UROC1: variants seen among roughly 807,000 people sequenced by gnomAD.
UROC1 encodes the protein urocanate hydratase.
A neutral mutation model predicts 89.5 loss-of-function variants in UROC1; 79 were observed. The observed-to-expected ratio is 0.88, with a 90% CI of 0.74 to 1.06. The LOEUF is 1.06. Ranked by LOEUF, UROC1 falls within the 50% of genes least tolerant of loss-of-function variation. The probability of loss-of-function intolerance (pLI) is 0.00; values close to 1 mark genes in which losing one functional copy is unlikely to be tolerated. For synonymous variants in UROC1, 361 were observed against 354.8 expected (o/e 1.02, Z -0.20); for missense variants, 885 against 907.8 (o/e 0.97, Z 0.32).
chr3:126,506,425 C>T (rs28676765), intron 6 of UROC1, among the ~76,000 whole-genome samples: 5,827 of 152,142 alleles, frequency 0.038, 296 homozygotes, highest in African/African-American at 0.12. Context: ...CCACCGGAGA[C>T]GAGAGAAGTG....
intron 18 of UROC1, among the ~76,000 whole-genome samples, chr3:126,483,982 G>C (rs1935453110): frequency 6.7e-6 from 1 of 149,522 alleles, no homozygotes; most frequent in Non-Finnish European, 1.5e-5. Context: ...CTCCCAAAAT[G>C]CTGGGATTAT....
At chr3:126,494,353 G>A (rs775060140) in intron 15 of UROC1, among the ~76,000 whole-genome samples, 3 of 152,138 alleles carry the variant, frequency 2.0e-5, no homozygotes, top group Non-Finnish European at 4.4e-5. Context: ...TCTCAGCCAT[G>A]CTGGCATCCA....
At position 126,508,107 on chromosome 3, in the gene UROC1, G is replaced by A; in HGVS notation, c.412-12C>T. ...ATGGTCAGCCAGAACTGGGGGAAGA[G>A]CAGAGCGTGGGGATTCTGTCAACAG... On this transcript the variant is annotated splice_polypyrimidine_tract_variant and intron_variant, in intron 4 of 19. Coordinates refer to ENST00000290868, the MANE Select transcript of UROC1 (RefSeq NM_144639.3). 7 of 1,613,570 alleles carry A rather than the reference G, an allele frequency of 4.3e-6. No homozygotes were observed. Among genetic ancestry groups the A allele is most frequent in the Non-Finnish European group, 5.9e-6 (7 of 1,180,014 alleles).
chr3:126,516,956 T>C (rs984616309), intron 1 of UROC1, among the ~76,000 whole-genome samples: 1 of 151,950 alleles, frequency 6.6e-6, no homozygotes, highest in African/African-American at 2.4e-5. Flanking sequence ...GGAAAGTCTA[T>C]ATAACCGTGT....
chr3:126,496,044 G>T lies in UROC1; in HGVS notation c.1503C>A (p.His501Gln). 6.2e-7 allele frequency: 1 copy of T among 1,613,220 alleles called. No individual in the cohort carries two copies. Among genetic ancestry groups the T allele is most frequent in the Non-Finnish European group, 8.5e-7 (1 of 1,179,958 alleles). Residue 501 changes from histidine to glutamine, a missense_variant, in exon 15 of 20, where the codon CAC (histidine) becomes CAA (glutamine). Physicochemically the swap from His to Gln is conservative, Grantham distance 24 (BLOSUM62 0). Transcript: ENST00000290868. The part of the protein sequence containing the change: ...NIRWIREAAR[H>Q]RLVVGSQARI... ...CCCAGGCCTGGGCCCTCACCAGCCG[G>T]TGCCTGGCGGCCTCCCGGATCCAGC...
intron 2 of UROC1, 113 bp downstream of exon 2, chr3:126,510,551 A>G: frequency 6.6e-7 from 1 of 1,513,774 alleles, no homozygotes; most frequent in Admixed American, 1.9e-5. Flanking sequence ...GTCTGGACAG[A>G]CTGGGTTTCC....
chr3:126,487,835 C>G (rs1008763820), intron 18 of UROC1, among the ~76,000 whole-genome samples: 1 of 152,196 alleles, frequency 6.6e-6, no homozygotes, highest in Non-Finnish European at 1.5e-5. Context: ...AGGAGAAGAC[C>G]CTGGCCATGA....
At chr3:126,485,280 AGTT>A (rs1401623401) in intron 18 of UROC1, among the ~76,000 whole-genome samples, 1 of 152,218 alleles carries the variant, frequency 6.6e-6, no homozygotes, top group African/African-American at 2.4e-5. Context: ...CCTACAAGGC[AGTT>A]GTTATTATTA....
chr3:126,492,112 A>G (rs1287223527), intron 16 of UROC1, among the ~76,000 whole-genome samples: 1 of 149,500 alleles, frequency 6.7e-6, no homozygotes, highest in African/African-American at 2.5e-5. Context: ...CCACCCCCTC[A>G]CAGCCGCCTT....
chr3:126,500,624 T>C (rs1576721636), intron 11 of UROC1, 71 bp downstream of exon 11: 3 of 1,591,236 alleles, frequency 1.9e-6, no homozygotes, highest in South Asian at 2.2e-5. Context: ...GAGAACTAGG[T>C]GGTGGCCAGA....
chr3:126,503,829 G>A (rs1470358210), intron 9 of UROC1, among the ~76,000 whole-genome samples, 166 bp downstream of exon 9: 4 of 152,256 alleles, frequency 2.6e-5, no homozygotes, highest in Non-Finnish European at 5.9e-5. Context: ...GTGTGTGTGT[G>A]TGTGCGCATG....
At chr3:126,489,954 G>T (rs1935605318) in intron 16 of UROC1, among the ~76,000 whole-genome samples, 2 of 152,210 alleles carry the variant, frequency 1.3e-5, no homozygotes, top group Non-Finnish European at 2.9e-5. Context: ...CTGGGCTCAA[G>T]CCTCAGGCAG....
intron 13 of UROC1, among the ~76,000 whole-genome samples, 158 bp from the exon 14 acceptor site, chr3:126,498,330 C>A (rs1935832263): frequency 6.6e-6 from 1 of 152,136 alleles, no homozygotes; most frequent in Non-Finnish European, 1.5e-5. Flanking sequence ...CCTCCCTGTC[C>A]CCTCTCTGTG....
At chr3:126,500,347 T>G (rs1935889049) in intron 11 of UROC1, among the ~76,000 whole-genome samples, 193 bp from the exon 12 acceptor site, 1 of 152,084 alleles carries the variant, frequency 6.6e-6, no homozygotes, top group African/African-American at 2.4e-5. Context: ...TCTGCACCTT[T>G]CAAGGCCCAG....
Position 126,510,724 on chromosome 3 carries a change from T to C in UROC1, c.197A>G (p.Gln66Arg). ...VQELLAPEFA[Q>R]ELQLYGHIYM... ...GATGTGTCCGTACAGTTGCAGCTCC[T>C]GGGCAAACTCTGGGGCCAGCAGCTC... Residue 66 changes from glutamine (Q) to arginine (R), a missense_variant, in exon 2 of 20, where the codon CAG (glutamine) becomes CGG (arginine). Transcript: ENST00000290868. 1.2e-6 allele frequency: 2 copies of C among 1,614,206 alleles called. No individual in the cohort carries two copies. The highest frequency in any genetic ancestry group is 1.7e-6 in the Non-Finnish European group (2 of 1,180,052).
intron 1 of UROC1, among the ~76,000 whole-genome samples, chr3:126,515,182 C>T (rs1258070208): frequency 3.3e-5 from 5 of 152,038 alleles, no homozygotes; most frequent in Non-Finnish European, 7.4e-5. Context: ...ATCACAGCCA[C>T]AGGGCGCCGC....
intron 10 of UROC1, 70 bp from the exon 11 acceptor site, chr3:126,500,944 TG>T: frequency 6.3e-7 from 1 of 1,584,928 alleles, no homozygotes; most frequent in South Asian, 1.1e-5. Context: ...GCCAGCCAGG[TG>T]GGGACCCTAG....
At chr3:126,517,475 G>T in intron 1 of UROC1, 119 bp downstream of exon 1, 1 of 1,496,540 alleles carries the variant, frequency 6.7e-7, no homozygotes, top group Admixed American at 1.7e-5. Context: ...AGCCCCTGGA[G>T]TCCAGGGTGG....
At chr3:126,509,486 T>C in intron 3 of UROC1, 99 bp downstream of exon 3, 1 of 1,192,182 alleles carries the variant, frequency 8.4e-7, no homozygotes, top group East Asian at 2.6e-5. Flanking sequence ...TCTGTGAATC[T>C]ATAATTATCT....
Sources: gnomAD v4.1 joint callset for allele counts (sites outside exome capture counted in the v4.1 genomes callset) on GRCh38, gnomAD v4.1.1 for gene constraint, MANE v1.5 for transcripts, NCBI Gene and HGNC (gene_info 2026-07-23, HGNC 2026-07-21) for gene names.